Variants in MAD1L1 observed in about 807,000 individuals in gnomAD.
The protein encoded by MAD1L1 is mitotic arrest deficient 1 like 1.
MAD1L1 carries 95 observed loss-of-function variants against 96.9 expected under a neutral mutation model. The observed-to-expected ratio is 0.98, with a 90% CI of 0.83 to 1.16. The LOEUF is 1.16. Among genes scored for constraint, MAD1L1 ranks in the 50% most tolerant of loss-of-function variants. The pLI, the probability that MAD1L1 is intolerant of heterozygous loss-of-function variation, is 0.00. For missense variants in MAD1L1, 1,007 were observed against 954.4 expected (o/e 1.06, Z -0.73); for synonymous variants, 473 against 396.6 (o/e 1.19, Z -2.29).
intron 10 of MAD1L1, among the ~76,000 whole-genome samples, chr7:2,161,187 G>C (rs1005356713): frequency 1.1e-4 from 5 of 46,304 alleles, no homozygotes; most frequent in Admixed American, 5.5e-4. Flanking sequence ...CCGCCATCTC[G>C]ACTCACTGCA....
chr7:1,856,177 G>A (rs369852157), intron 18 of MAD1L1, among the ~76,000 whole-genome samples: 14 of 152,352 alleles, frequency 9.2e-5, no homozygotes, highest in African/African-American at 3.1e-4. Flanking sequence ...GCGCCCTCCT[G>A]CTTCTGACGC....
chr7:2,011,849 TG>T (rs1379956521), intron 13 of MAD1L1, among the ~76,000 whole-genome samples: 10 of 152,182 alleles, frequency 6.6e-5, no homozygotes. Context: ...AGCGGGGTCC[TG>T]GGGGGAGACT....
At chr7:2,029,109 T>G (rs137875037) in intron 12 of MAD1L1, among the ~76,000 whole-genome samples, 135 of 152,236 alleles carry the variant, frequency 8.9e-4, no homozygotes, top group Middle Eastern at 3.4e-3. Context: ...CTGTTTAGAG[T>G]GTGAAAAGCT....
At chr7:2,176,075 C>A (rs1324129393) in intron 10 of MAD1L1, among the ~76,000 whole-genome samples, 1 of 152,256 alleles carries the variant, frequency 6.6e-6, no homozygotes, top group South Asian at 2.1e-4. Context: ...AGTCTGGGTG[C>A]GGTGGCTCAC....
intron 16 of MAD1L1, among the ~76,000 whole-genome samples, chr7:1,937,169 A>G (rs981876496): frequency 2.1e-4 from 32 of 152,162 alleles, no homozygotes; most frequent in African/African-American, 7.7e-4. Flanking sequence ...GTGAGAGGGG[A>G]CATGCGGCCT....
intron 10 of MAD1L1, among the ~76,000 whole-genome samples, chr7:2,161,086 A>T: frequency 2.3e-5 from 1 of 42,922 alleles, no homozygotes; most frequent in Non-Finnish European, 4.8e-5. Context: ...ACCCAGAATC[A>T]TCAAGACGAT....
chr7:2,090,272 A>G (rs115492512), intron 11 of MAD1L1, among the ~76,000 whole-genome samples: 1,664 of 152,356 alleles, frequency 0.011, 24 homozygotes, highest in African/African-American at 0.038. Flanking sequence ...GGGAGGGGCC[A>G]GGTCCACTGC....
intron 11 of MAD1L1, among the ~76,000 whole-genome samples, chr7:2,101,755 C>T (rs978001671): frequency 3.3e-5 from 5 of 152,218 alleles, no homozygotes; most frequent in African/African-American, 1.2e-4. Context: ...CGGCTCCATG[C>T]TCACCAAAGT....
chr7:1,950,020 G>T (rs979132617), intron 16 of MAD1L1, among the ~76,000 whole-genome samples: 8 of 152,242 alleles, frequency 5.3e-5, no homozygotes, highest in African/African-American at 1.7e-4. Flanking sequence ...GGAGATCGAG[G>T]TGCTCAGCAG....
chr7:2,102,011 T>G (rs1241369040), intron 11 of MAD1L1, among the ~76,000 whole-genome samples: 2 of 152,070 alleles, frequency 1.3e-5, no homozygotes, highest in African/African-American at 4.8e-5. Flanking sequence ...CTCGCTGACC[T>G]TGGACCCTCC....
intron 15 of MAD1L1, among the ~76,000 whole-genome samples, chr7:1,976,938 C>T (rs754163150): frequency 3.9e-5 from 6 of 152,298 alleles, no homozygotes; most frequent in East Asian, 1.9e-4. Context: ...CTGACTGGTG[C>T]GTTTACAAAC....
intron 11 of MAD1L1, among the ~76,000 whole-genome samples, chr7:2,096,870 GC>G (rs971568684): frequency 1.3e-5 from 2 of 152,156 alleles, no homozygotes; most frequent in African/African-American, 4.8e-5. Context: ...CCAGGCGTGG[GC>G]CCCACCCTCA....
chr7:1,920,190 T>C (rs1397621446), intron 17 of MAD1L1, among the ~76,000 whole-genome samples: 3 of 152,206 alleles, frequency 2.0e-5, no homozygotes, highest in East Asian at 1.9e-4. Flanking sequence ...CTCTCGGGAC[T>C]TGCCTGTCAT....
chr7:2,211,273 A>G (rs1367097212), intron 10 of MAD1L1, among the ~76,000 whole-genome samples: 1 of 152,128 alleles, frequency 6.6e-6, no homozygotes, highest in Non-Finnish European at 1.5e-5. Flanking sequence ...CCCTGGGGCC[A>G]GCATGCCCTC....
rs148216636 is a variant in MAD1L1, at chr7:2,215,863, C to A, written c.924+22G>T. 11 of 1,610,104 alleles carry A rather than the reference C, an allele frequency of 6.8e-6. No homozygotes were observed. The African/African-American group carries it at 1.3e-4, about 20-fold the overall frequency. On this transcript the variant is annotated intron_variant, in intron 9 of 18. Coordinates refer to ENST00000265854, the MANE Select transcript of MAD1L1 (RefSeq NM_001013836.2). ...CAGGGCAGAGGACACCCACAGGAAC[C>A]GCACACCACACAGGCCCTCACCTCG...
intron 18 of MAD1L1, among the ~76,000 whole-genome samples, chr7:1,851,978 G>A (rs1470949152): frequency 1.3e-5 from 2 of 152,178 alleles, no homozygotes; most frequent in African/African-American, 2.4e-5. Context: ...ACGGGTGGGC[G>A]GACAGTGTCA....
intron 15 of MAD1L1, among the ~76,000 whole-genome samples, chr7:1,977,373 C>T (rs938352577): frequency 1.3e-5 from 2 of 152,250 alleles, no homozygotes; most frequent in Non-Finnish European, 2.9e-5. Context: ...AAGCCCCTCA[C>T]TGCCCGGGGC....
intron 18 of MAD1L1, among the ~76,000 whole-genome samples, chr7:1,884,392 G>A (rs1378809599): frequency 1.3e-5 from 2 of 152,174 alleles, no homozygotes; most frequent in Admixed American, 6.5e-5. Flanking sequence ...AGCCTGAGGT[G>A]AGCCCTGGAC....
chr7:1,883,947 G>A (rs145956291), intron 18 of MAD1L1, among the ~76,000 whole-genome samples: 221 of 152,334 alleles, frequency 1.5e-3, no homozygotes, highest in African/African-American at 5.0e-3. Flanking sequence ...GGGGAATCGC[G>A]TGCAGCTGAA....
Sources: allele counts gnomAD v4.1 joint callset (sites outside exome capture counted in the v4.1 genomes callset), GRCh38; gene constraint gnomAD v4.1.1; transcripts MANE v1.5; gene names NCBI Gene and HGNC (gene_info 2026-07-23, HGNC 2026-07-21).